EYS: variants seen among roughly 807,000 people sequenced by gnomAD.
EYS encodes the protein protein eyes shut homolog.
In EYS, 250 loss-of-function variants were observed where a neutral mutation model predicts 282.1. The observed-to-expected ratio is 0.89, with a 90% confidence interval of 0.80 to 0.98. EYS has a LOEUF of 0.98. Ranked by LOEUF, EYS falls within the 50% of genes least tolerant of loss-of-function variation. The pLI is 0.00. For missense variants in EYS, 4,016 were observed against 3,709.0 expected (o/e 1.08, Z -2.15); for synonymous variants, 1,355 against 1,282.9 (o/e 1.06, Z -1.20).
intron 5 of EYS, among the ~76,000 whole-genome samples, chr6:65,456,432 G>A (rs1158763869): frequency 6.8e-6 from 1 of 147,922 alleles, no homozygotes; most frequent in Non-Finnish European, 1.5e-5. Context: ...CCTAGCGACA[G>A]AGTGAGACTC....
chr6:64,456,217 AAACT>A lies in EYS; in HGVS notation c.5645-16869_5645-16866del, dbSNP rs1775556068. ...CAAAATTGTGGATTTCACACATCCT[AAACT>A]AACTACAAAAGGTTTCATTTAATGT... On this transcript the variant is annotated intron_variant, in intron 26 of 42. Coordinates refer to ENST00000503581, the MANE Select transcript of EYS (RefSeq NM_001142800.2). Among the ~76,000 whole-genome samples the A allele has an allele frequency of 3.3e-5, 5 of 152,260 alleles. No homozygotes were observed. In the South Asian group the frequency reaches 1.0e-3, roughly 32 times the overall value.
chr6:65,179,608 G>T (rs1459328734), intron 12 of EYS, among the ~76,000 whole-genome samples: 2 of 152,124 alleles, frequency 1.3e-5, no homozygotes, highest in Non-Finnish European at 2.9e-5. Flanking sequence ...TGGATTCACA[G>T]CCGAATTCTA....
chr6:63,937,271 C>T (rs1165564248), intron 35 of EYS, among the ~76,000 whole-genome samples: 1 of 142,138 alleles, frequency 7.0e-6, no homozygotes, highest in East Asian at 2.2e-4. Context: ...TATCAAGCAA[C>T]ACCTCAGATG....
intron 6 of EYS, among the ~76,000 whole-genome samples, chr6:65,404,592 G>C (rs959464385): frequency 3.3e-5 from 5 of 151,654 alleles, no homozygotes; most frequent in African/African-American, 1.2e-4. Flanking sequence ...ATATCAGGTG[G>C]AGTAAAAAAT....
intron 26 of EYS, among the ~76,000 whole-genome samples, chr6:64,561,187 G>A (rs575605912): frequency 6.6e-6 from 1 of 151,992 alleles, no homozygotes; most frequent in East Asian, 1.9e-4. Context: ...AAAATAGTAA[G>A]AGTCATCTAT....
intron 26 of EYS, among the ~76,000 whole-genome samples, chr6:64,587,963 A>G (rs1419448375): frequency 6.6e-6 from 1 of 151,998 alleles, no homozygotes; most frequent in African/African-American, 2.4e-5. Flanking sequence ...CTCTGGAACA[A>G]TTGTATCACC....
At chr6:63,825,190 T>C (rs536610185) in intron 36 of EYS, among the ~76,000 whole-genome samples, 2 of 152,086 alleles carry the variant, frequency 1.3e-5, no homozygotes, top group Middle Eastern at 3.4e-3. Flanking sequence ...TCCTCCTAGG[T>C]ACACAACTCC....
chr6:64,560,164 T>C (rs929431654), intron 26 of EYS, among the ~76,000 whole-genome samples: 4 of 152,070 alleles, frequency 2.6e-5, no homozygotes, highest in African/African-American at 9.7e-5. Flanking sequence ...TACCAAAATA[T>C]ACTAATTTTT....
intron 39 of EYS, among the ~76,000 whole-genome samples, chr6:63,781,692 C>T (rs1770232695): frequency 6.6e-6 from 1 of 152,206 alleles, no homozygotes; most frequent in Non-Finnish European, 1.5e-5. Context: ...ATGTCATCTG[C>T]AAACAGGGAC....
At chr6:63,825,581 C>A (rs958487214) in intron 36 of EYS, among the ~76,000 whole-genome samples, 1 of 152,170 alleles carries the variant, frequency 6.6e-6, no homozygotes, top group African/African-American at 2.4e-5. Flanking sequence ...TCTATGCCGA[C>A]AATGGCCAGT....
chr6:64,907,294 C>A lies in EYS; in HGVS notation c.2642-4794G>T, dbSNP rs140633350. Among the ~76,000 whole-genome samples the A allele has an allele frequency of 8.5e-4, 130 of 152,226 alleles. 1 individual carries two copies. The East Asian group carries it at 0.022, about 26-fold the overall frequency. ...GGAGCTATTGGCCTCAAGCAATCCT[C>A]CTGCCTTAGTCTCCCAAAGTGCTGT... On this transcript the variant is annotated intron_variant, in intron 16 of 42. Coordinates refer to ENST00000503581, the MANE Select transcript of EYS (RefSeq NM_001142800.2).
chr6:64,579,081 G>A (rs969168600), intron 26 of EYS, among the ~76,000 whole-genome samples: 12 of 152,140 alleles, frequency 7.9e-5, no homozygotes, highest in African/African-American at 2.4e-4. Context: ...CTCCTCATTC[G>A]CAGAATTAGG....
chr6:64,772,133 C>T (rs1773544292), intron 22 of EYS, among the ~76,000 whole-genome samples: 1 of 151,462 alleles, frequency 6.6e-6, no homozygotes. Context: ...CTTTATTCAT[C>T]TTTTTGAGAA....
intron 31 of EYS, among the ~76,000 whole-genome samples, chr6:64,190,352 G>A (rs1216253751): frequency 1.3e-5 from 2 of 152,220 alleles, no homozygotes; most frequent in Non-Finnish European, 2.9e-5. Flanking sequence ...TTCAGATACT[G>A]TCTAACAGAA....
At chr6:65,353,433 G>GAAA in intron 9 of EYS, 25 bp downstream of exon 9, 1 of 1,608,668 alleles carries the variant, frequency 6.2e-7, no homozygotes, top group South Asian at 1.1e-5. Flanking sequence ...CAAGCAGATT[G>GAAA]AAAAAAATTA....
At chr6:63,758,778 T>G (rs1428170946) in intron 41 of EYS, among the ~76,000 whole-genome samples, 1 of 152,152 alleles carries the variant, frequency 6.6e-6, no homozygotes, top group East Asian at 1.9e-4. Context: ...CATGATAATT[T>G]TGACTTGCTT....
Position 65,447,237 on chromosome 6 carries a change from C to A in EYS, c.863-41870G>T, listed in dbSNP as rs539219739. On this transcript the variant is annotated intron_variant, in intron 5 of 42. Coordinates refer to ENST00000503581, the MANE Select transcript of EYS (RefSeq NM_001142800.2). ...GTTGCAATATTTGTGAGGGTAGGTA[C>A]CAATATTGGCTTTTCTACTTCTAAT... Among the ~76,000 whole-genome samples, 6 of 150,226 alleles carry A rather than the reference C, an allele frequency of 4.0e-5. No individual in the cohort carries two copies. In the South Asian group the frequency reaches 8.4e-4, roughly 21 times the overall value.
chr6:64,623,067 T>C (rs1767499527), intron 23 of EYS, among the ~76,000 whole-genome samples: 1 of 152,156 alleles, frequency 6.6e-6, no homozygotes, highest in African/African-American at 2.4e-5. Flanking sequence ...TGCTAACATC[T>C]AGACTAAGCT....
chr6:65,322,673 T>G (rs1769506893), intron 11 of EYS, among the ~76,000 whole-genome samples: 1 of 151,666 alleles, frequency 6.6e-6, no homozygotes, highest in African/African-American at 2.4e-5. Context: ...CGCGCGCCTG[T>G]AGTCCCAGCT....
Sources: gnomAD v4.1 joint callset for allele counts (sites outside exome capture counted in the v4.1 genomes callset) on GRCh38, gnomAD v4.1.1 for gene constraint, MANE v1.5 for transcripts, NCBI Gene and HGNC (gene_info 2026-07-23, HGNC 2026-07-21) for gene names.